Variants in ABCB10 observed in about 807,000 individuals in gnomAD.
ABCB10 encodes ATP binding cassette subfamily B member 10.
A neutral mutation model predicts 65.4 loss-of-function variants in ABCB10; 54 were observed. The observed-to-expected ratio is 0.83, with a 90% CI of 0.66 to 1.04. The LOEUF (loss-of-function observed/expected upper bound fraction) is 1.04. ABCB10 is among the 50% of genes least tolerant of loss of function. ABCB10 has a pLI of 0.00. For missense variants in ABCB10, 846 were observed against 976.6 expected, an observed-to-expected ratio of 0.87 and a Z score of 1.78; for synonymous variants, 418 against 406.5, an observed-to-expected ratio of 1.03 and a Z score of -0.34.
chr1:229,537,262 A>T (rs2102695953), intron 6 of ABCB10, among the ~76,000 whole-genome samples: 1 of 152,340 alleles, frequency 6.6e-6, no homozygotes, highest in African/African-American at 2.4e-5. Context: ...AACACCACTG[A>T]ATTGTAAACT....
At chr1:229,519,836 A>G (rs1415359797) in intron 11 of ABCB10, among the ~76,000 whole-genome samples, 1 of 140,872 alleles carries the variant, frequency 7.1e-6, no homozygotes, top group Non-Finnish European at 1.6e-5. Flanking sequence ...AATAAATAAA[A>G]TGAGTAAGGC....
chr1:229,520,495 A>G (rs770245082), intron 11 of ABCB10, among the ~76,000 whole-genome samples: 1 of 151,884 alleles, frequency 6.6e-6, no homozygotes, highest in Non-Finnish European at 1.5e-5. Context: ...AGAAAAAAGA[A>G]AAGCTAACAC....
chr1:229,543,292 T>C (rs949304938), intron 3 of ABCB10, among the ~76,000 whole-genome samples: 3 of 152,144 alleles, frequency 2.0e-5, no homozygotes, highest in African/African-American at 7.2e-5. Context: ...CTTCTAGCAA[T>C]TGGAATTGCT....
intron 8 of ABCB10, among the ~76,000 whole-genome samples, chr1:229,529,295 C>CAAAAAAAAAAAAAA (rs59264291): frequency 8.6e-5 from 2 of 23,130 alleles, no homozygotes; most frequent in African/African-American, 1.6e-4. Context: ...GACTCCGTCT[C>CAAAAAAAAAAAAAA]AAAAAAAAAA....
intron 1 of ABCB10, among the ~76,000 whole-genome samples, chr1:229,555,234 G>A (rs1663218119): frequency 6.6e-6 from 1 of 152,194 alleles, no homozygotes; most frequent in South Asian, 2.1e-4. Context: ...ACTCACTCAG[G>A]TCAGAGCCTC....
chr1:229,523,839 G>A (rs1474696076), intron 10 of ABCB10, among the ~76,000 whole-genome samples: 2 of 152,062 alleles, frequency 1.3e-5, no homozygotes, highest in African/African-American at 4.8e-5. Flanking sequence ...ATTTCACCAC[G>A]AGCAGTTTAC....
chr1:229,556,372 C>CAA (rs58690289), intron 1 of ABCB10, among the ~76,000 whole-genome samples: 4 of 88,754 alleles, frequency 4.5e-5, no homozygotes, highest in East Asian at 3.1e-4. Flanking sequence ...AACTCCATCT[C>CAA]AAAAAAAAAA....
chr1:229,548,286 G>A (rs436298), intron 2 of ABCB10, among the ~76,000 whole-genome samples: 1 of 152,016 alleles, frequency 6.6e-6, no homozygotes, highest in Non-Finnish European at 1.5e-5. Context: ...TTACAGGCAT[G>A]AGCCACCACA....
At position 229,518,143 on chromosome 1, in the gene ABCB10, A is replaced by G. The variant is rs372747836; in HGVS notation, c.*36T>C. 20 of 1,506,488 alleles carry G rather than the reference A, an allele frequency of 1.3e-5. No individual in the cohort carries two copies. Among genetic ancestry groups the G allele is most frequent in the Non-Finnish European group, 1.8e-5 (20 of 1,085,210 alleles). 93.3% of individuals were successfully genotyped at this position (1,506,488 alleles called of 1,614,324 possible). A position where few individuals can be genotyped will look rare whatever the true frequency, so the allele number is the denominator to read the frequency against. On this transcript the variant is annotated 3_prime_UTR_variant, in exon 13 of 13. Coordinates refer to ENST00000344517, the MANE Select transcript of ABCB10 (RefSeq NM_012089.3). ...TTTTTTTTCTGCAACACTGTTTTGC[A>G]TTAAAGTCTCATATTGTTTACCAGT...
chr1:229,556,399 G>C lies in ABCB10; in HGVS notation c.517+1737C>G, dbSNP rs189385434. ...AAAAAAAAAAAAAAAGGTACGAGCT[G>C]GGTGTGGTGGCACATGCCTGTAGTC... On this transcript the variant is annotated intron_variant, in intron 1 of 12. Transcript: ENST00000344517. Among the ~76,000 whole-genome samples, 68 of 151,910 alleles carry C rather than the reference G, an allele frequency of 4.5e-4. 1 individual carries two copies. In the East Asian group the frequency reaches 9.1e-3, roughly 20 times the overall value.
chr1:229,547,388 G>C, intron 3 of ABCB10, 111 bp downstream of exon 3: 1 of 1,261,804 alleles, frequency 7.9e-7, no homozygotes, highest in Non-Finnish European at 1.1e-6. Context: ...TTGGCTCTAG[G>C]CACTTACAGA....
intron 1 of ABCB10, among the ~76,000 whole-genome samples, chr1:229,551,438 G>T (rs948061798): frequency 4.3e-4 from 66 of 152,336 alleles, no homozygotes; most frequent in African/African-American, 1.6e-3. Flanking sequence ...TGCCTACAGT[G>T]ACAGGCACAT....
chr1:229,550,621 G>A (rs1235867992), intron 1 of ABCB10, among the ~76,000 whole-genome samples: 4 of 151,372 alleles, frequency 2.6e-5, no homozygotes, highest in Non-Finnish European at 1.5e-5. Flanking sequence ...GGGAGGCCAA[G>A]GCGGGTAGGT....
chr1:229,556,296 C>T (rs1243988089), intron 1 of ABCB10, among the ~76,000 whole-genome samples: 3 of 151,364 alleles, frequency 2.0e-5, no homozygotes, highest in Admixed American at 6.6e-5. Flanking sequence ...CGCTTGAACC[C>T]GGGAGGCGGA....
intron 6 of ABCB10, among the ~76,000 whole-genome samples, chr1:229,534,634 C>T (rs549154803): frequency 1.2e-4 from 18 of 151,270 alleles, no homozygotes; most frequent in Admixed American, 7.2e-4. Context: ...TTTGGGAGGC[C>T]GAGGCAGGTG....
intron 11 of ABCB10, among the ~76,000 whole-genome samples, chr1:229,520,960 A>C (rs1001280987): frequency 1.3e-5 from 2 of 152,218 alleles, no homozygotes; most frequent in African/African-American, 4.8e-5. Flanking sequence ...AAATGTTCTG[A>C]AACTGGACTT....
intron 3 of ABCB10, among the ~76,000 whole-genome samples, chr1:229,543,513 C>T (rs1558126661): frequency 6.6e-6 from 1 of 152,250 alleles, no homozygotes; most frequent in South Asian, 2.1e-4. Flanking sequence ...GATGGATCAA[C>T]CAATCATTCA....
chr1:229,547,986 GC>G (rs1194446815), intron 2 of ABCB10, among the ~76,000 whole-genome samples: 1 of 151,514 alleles, frequency 6.6e-6, no homozygotes, highest in African/African-American at 2.4e-5. Flanking sequence ...TGACTCAGAG[GC>G]CTTTTTTATT....
At chr1:229,540,269 A>G (rs945961874) in intron 5 of ABCB10, among the ~76,000 whole-genome samples, 1 of 152,128 alleles carries the variant, frequency 6.6e-6, no homozygotes, top group African/African-American at 2.4e-5. Context: ...AAGGCCTGTT[A>G]AACAGATTGC....
Sources: gnomAD v4.1 joint callset for allele counts (sites outside exome capture counted in the v4.1 genomes callset) on GRCh38, gnomAD v4.1.1 for gene constraint, MANE v1.5 for transcripts, NCBI Gene and HGNC (gene_info 2026-07-23, HGNC 2026-07-21) for gene names.